The following AATF variants were observed in gnomAD, a reference collection of about 807,000 sequenced individuals.
The protein encoded by AATF is apoptosis antagonizing transcription factor.
AATF carries 48 observed loss-of-function variants against 63.7 expected under a neutral mutation model. The observed-to-expected ratio is 0.75, with a 90% confidence interval of 0.60 to 0.96. The LOEUF is 0.96. AATF is among the 40% of genes least tolerant of loss of function. The pLI is 0.00. For missense variants in AATF, 639 were observed against 685.7 expected, an observed-to-expected ratio of 0.93 and a Z score of 0.76; for synonymous variants, 258 against 247.7, an observed-to-expected ratio of 1.04 and a Z score of -0.39.
intron 4 of AATF, among the ~76,000 whole-genome samples, chr17:36,975,541 G>C (rs2071073484): frequency 6.6e-6 from 1 of 152,050 alleles, no homozygotes; most frequent in Non-Finnish European, 1.5e-5. Context: ...AAAGTTACCT[G>C]GCTAAACTAA....
Position 37,007,902 on chromosome 17 carries a change from A to C in AATF, c.1399-11103A>C, listed in dbSNP as rs559209973. ...ATAGTTCAAACAGAATAAATGATAA[A>C]GGAGAGGATGACTTCTGCTCCAGTT... On this transcript the variant is annotated intron_variant, in intron 8 of 11. Coordinates refer to ENST00000619387, the MANE Select transcript of AATF (RefSeq NM_012138.4). 8.0e-4 allele frequency among the ~76,000 whole-genome samples: 122 copies of C among 152,296 alleles called. 1 individual carries two copies. The highest frequency in any genetic ancestry group is 1.4e-3 in the Non-Finnish European group (95 of 68,026).
At chr17:37,054,195 G>T (rs1013984460) in intron 11 of AATF, among the ~76,000 whole-genome samples, 3 of 152,050 alleles carry the variant, frequency 2.0e-5, no homozygotes, top group Non-Finnish European at 2.9e-5. Context: ...GGGGCGTGTG[G>T]GGCGGGGATC....
chr17:36,988,715 G>T lies in AATF; in HGVS notation c.1144G>T (p.Gly382Trp), dbSNP rs2071189245. ...GACCAAACTGGCTTCTGGAAAACTG[G>T]GGAAGGCAAGTGTGTGTATGCGCGC... ...DKTKLASGKLGKGFGAFERSI... is the reference protein window; with the variant it reads ...DKTKLASGKLWKGFGAFERSI... The change falls in exon 6 of 12, where the codon GGG becomes TGG. Residue 382 changes from glycine to tryptophan, a missense_variant. Physicochemically the swap from Gly to Trp is radical, Grantham distance 184 (BLOSUM62 -2). Coordinates refer to ENST00000619387, the MANE Select transcript of AATF (RefSeq NM_012138.4). The T allele has an allele frequency of 6.2e-7, 1 of 1,613,722 alleles. No individual in the cohort carries two copies. The highest frequency in any genetic ancestry group is 2.2e-5 in the East Asian group (1 of 44,884).
chr17:37,016,847 C>G (rs1444084316), intron 8 of AATF, among the ~76,000 whole-genome samples: 2 of 151,836 alleles, frequency 1.3e-5, no homozygotes, highest in Non-Finnish European at 2.9e-5. Context: ...TTGTTGCTTT[C>G]TTTTTCTTAC....
intron 11 of AATF, among the ~76,000 whole-genome samples, chr17:37,041,686 G>A (rs955940800): frequency 2.6e-5 from 4 of 152,094 alleles, no homozygotes; most frequent in Admixed American, 1.3e-4. Flanking sequence ...TGTATTTTTA[G>A]TAGAGACGGG....
At chr17:37,025,469 G>T (rs2142294212) in intron 10 of AATF, among the ~76,000 whole-genome samples, 1 of 152,294 alleles carries the variant, frequency 6.6e-6, no homozygotes, top group East Asian at 1.9e-4. Context: ...AGCCCATAAA[G>T]AATGCTGAGG....
chr17:37,055,554 C>G (rs767739327), intron 11 of AATF: 1 of 152,168 alleles, frequency 6.6e-6, no homozygotes, highest in Non-Finnish European at 1.5e-5. Flanking sequence ...TAAAACAAGA[C>G]GGCAGGCTGG....
intron 8 of AATF, chr17:36,998,524 T>C (rs1041275414): frequency 1.3e-5 from 2 of 152,240 alleles, no homozygotes; most frequent in Admixed American, 1.3e-4. Context: ...ACATTGGAGA[T>C]CTACTGTATC....
intron 4 of AATF, among the ~76,000 whole-genome samples, chr17:36,971,078 G>T (rs1218216261): frequency 6.6e-6 from 1 of 152,048 alleles, no homozygotes; most frequent in Non-Finnish European, 1.5e-5. Flanking sequence ...TGATAATTGG[G>T]CCAAATCAGA....
chr17:36,980,809 A>G (rs545526206), intron 4 of AATF, among the ~76,000 whole-genome samples: 1 of 152,240 alleles, frequency 6.6e-6, no homozygotes, highest in African/African-American at 2.4e-5. Context: ...TGCAGCCCTA[A>G]TATTGCAAAG....
intron 4 of AATF, among the ~76,000 whole-genome samples, chr17:36,982,449 G>T (rs374699334): frequency 6.6e-6 from 1 of 152,048 alleles, no homozygotes; most frequent in Non-Finnish European, 1.5e-5. Flanking sequence ...CCCGTCCCGG[G>T]TTCAGGAAAT....
intron 8 of AATF, among the ~76,000 whole-genome samples, chr17:37,002,074 C>T (rs554316934): frequency 9.2e-5 from 14 of 151,856 alleles, no homozygotes; most frequent in Middle Eastern, 3.4e-3. Flanking sequence ...TGGTGGTGTA[C>T]GCCTGTAATC....
At position 36,953,249 on chromosome 17, in the gene AATF, A is replaced by C. The variant is rs752710778; in HGVS notation, c.647A>C (p.Lys216Thr). Residue 216 changes from lysine (K) to threonine (T), a missense_variant, in exon 3 of 12, where the codon AAA becomes ACA. Transcript: ENST00000619387. ...GTGGTGATGACCTTCTCTAGTGTCA[A>C]AGTTTCTGAGGAAGTGGAGAAAGGA... ...DGVVMTFSSV[K>T]VSEEVEKGRA... The C allele has an allele frequency of 1.2e-6, 2 of 1,614,166 alleles. No homozygotes were observed. The highest frequency in any genetic ancestry group is 1.7e-6 in the Non-Finnish European group (2 of 1,180,002).
chr17:37,040,835 T>C (rs1389738568), intron 11 of AATF, among the ~76,000 whole-genome samples: 1 of 152,220 alleles, frequency 6.6e-6, no homozygotes, highest in Non-Finnish European at 1.5e-5. Context: ...TGTGAATCAC[T>C]GGATTCCCAA....
At chr17:36,958,161 C>CT (rs966772206) in intron 4 of AATF, among the ~76,000 whole-genome samples, 3 of 147,394 alleles carry the variant, frequency 2.0e-5, no homozygotes, top group African/African-American at 5.3e-5. Flanking sequence ...TTCTCTCTTT[C>CT]TTTTTTTTCT....
intron 4 of AATF, among the ~76,000 whole-genome samples, chr17:36,955,006 C>CTA (rs563192137): frequency 2.6e-5 from 4 of 151,966 alleles, no homozygotes; most frequent in Non-Finnish European, 4.4e-5. Context: ...ATCTATCTCT[C>CTA]TATATATATA....
At chr17:37,026,484 AAG>A (rs2071512084) in intron 10 of AATF, among the ~76,000 whole-genome samples, 1 of 152,230 alleles carries the variant, frequency 6.6e-6, no homozygotes, top group Admixed American at 6.5e-5. Context: ...CGGAGGCAGA[AAG>A]AGCATAAGCT....
intron 11 of AATF, among the ~76,000 whole-genome samples, chr17:37,050,866 A>AC (rs756227038): frequency 8.8e-4 from 133 of 151,814 alleles, no homozygotes; most frequent in Non-Finnish European, 1.4e-3. Flanking sequence ...ATTTAGGGAG[A>AC]CCCCCCACTC....
At chr17:37,054,710 A>G (rs1412022388) in intron 11 of AATF, 1 of 152,266 alleles carries the variant, frequency 6.6e-6, no homozygotes, top group African/African-American at 2.4e-5. Flanking sequence ...GCATTTGCTC[A>G]GTGGTAATGA....
Sources: allele counts gnomAD v4.1 joint callset (sites outside exome capture counted in the v4.1 genomes callset), GRCh38; gene constraint gnomAD v4.1.1; transcripts MANE v1.5; gene names NCBI Gene and HGNC (gene_info 2026-07-23, HGNC 2026-07-21).